Variants in USH1C observed in about 807,000 individuals in gnomAD.
USH1C encodes the protein harmonin.
A neutral mutation model predicts 119.3 loss-of-function variants in USH1C; 90 were observed. That is an observed-to-expected ratio of 0.75 (90% CI 0.64 to 0.90). The LOEUF is 0.90. Ranked by LOEUF, USH1C falls within the 40% of genes least tolerant of loss-of-function variation. USH1C has a pLI of 0.00. For synonymous variants in USH1C, 465 were observed against 443.3 expected, an observed-to-expected ratio of 1.05 and a Z score of -0.62; for missense variants, 1,165 against 1,167.7, an observed-to-expected ratio of 1.00 and a Z score of 0.03.
chr11:17,515,511 T>A (rs1345188277), intron 15 of USH1C, among the ~76,000 whole-genome samples: 1 of 152,172 alleles, frequency 6.6e-6, no homozygotes, highest in African/African-American at 2.4e-5. Context: ...GCTGGTCAAG[T>A]GATAACATCC....
chr11:17,500,516 A>T (rs1158764386), intron 23 of USH1C, among the ~76,000 whole-genome samples: 1 of 152,206 alleles, frequency 6.6e-6, no homozygotes, highest in Non-Finnish European at 1.5e-5. Flanking sequence ...GCACATGGCT[A>T]GTTCTGGCCA....
intron 13 of USH1C, 104 bp downstream of exon 13, chr11:17,521,242 G>T: frequency 7.9e-7 from 1 of 1,260,994 alleles, no homozygotes; most frequent in Non-Finnish European, 1.2e-6. Flanking sequence ...ACCAGGGGAT[G>T]AGAGAACCAG....
chr11:17,498,096 G>GCCT, intron 24 of USH1C, 66 bp downstream of exon 24: 1 of 1,465,176 alleles, frequency 6.8e-7, no homozygotes, highest in South Asian at 1.1e-5. Context: ...GTGAGACCTG[G>GCCT]CTGCAGAGGC....
At position 17,501,159 on chromosome 11, in the gene USH1C, A is replaced by C; in HGVS notation, c.2281-9T>G. ...AGGTCTAAGGATCCCTCCTGGTTAG[A>C]GGAAAACAGGCCTTAGGGAGCCAAG... On this transcript the variant is annotated splice_polypyrimidine_tract_variant and intron_variant, in intron 22 of 26. Transcript: ENST00000005226. The C allele has an allele frequency of 6.2e-7, 1 of 1,609,888 alleles. No individual in the cohort carries two copies.
At chr11:17,502,327 T>C (rs976191123) in intron 20 of USH1C, among the ~76,000 whole-genome samples, 3 of 152,192 alleles carry the variant, frequency 2.0e-5, no homozygotes, top group Non-Finnish European at 4.4e-5. Flanking sequence ...TCAAGTCCTT[T>C]AGGCCCCACC....
intron 26 of USH1C, 142 bp downstream of exon 26, chr11:17,495,427 A>G: frequency 2.3e-6 from 2 of 867,762 alleles, no homozygotes; most frequent in Non-Finnish European, 3.9e-6. Context: ...GGCCAACAGC[A>G]GGCCCCAGGC....
At chr11:17,495,521 G>T in intron 26 of USH1C, 48 bp downstream of exon 26, 1 of 1,586,014 alleles carries the variant, frequency 6.3e-7, no homozygotes, top group Non-Finnish European at 8.7e-7. Context: ...GATGGCCACT[G>T]CAAGCAGCAG....
chr11:17,528,409 G>A (rs72870323), intron 4 of USH1C, among the ~76,000 whole-genome samples: 15,328 of 152,306 alleles, frequency 0.1, 954 homozygotes, highest in South Asian at 0.26. Flanking sequence ...GGAACTCTCA[G>A]ATAACAGCTG....
At chr11:17,501,664 G>A in intron 21 of USH1C, 129 bp from the exon 22 acceptor site, 3 of 1,136,708 alleles carry the variant, frequency 2.6e-6, no homozygotes, top group Non-Finnish European at 3.9e-6. Context: ...AGGGGACCGT[G>A]CCCAGCCCCA....
At chr11:17,536,265 G>T (rs552116180) in intron 1 of USH1C, among the ~76,000 whole-genome samples, 1 of 152,322 alleles carries the variant, frequency 6.6e-6, no homozygotes, top group South Asian at 2.1e-4. Flanking sequence ...ATGGGACAGA[G>T]AATCTCTTAT....
chr11:17,511,635 G>C (rs1849896332), intron 16 of USH1C, among the ~76,000 whole-genome samples: 1 of 152,120 alleles, frequency 6.6e-6, no homozygotes, highest in Admixed American at 6.5e-5. Context: ...CCCGACCAAG[G>C]AGGCTAGTTT....
rs1461497965 is a variant in USH1C at position 17,522,910 on chromosome 11, A to G, written c.893T>C (p.Met298Thr). Reference sequence around the variant, plus strand: ...CTCTGCCAGCCGCTCCCGGTCTGTCATGAACAGCTCCCGGCCCTCATGGGA... The same window carrying G: ...CTCTGCCAGCCGCTCCCGGTCTGTCGTGAACAGCTCCCGGCCCTCATGGGA... ...IVAAAGRELF[M>T]TDRERLAEAR... is the part of the protein sequence containing the mutation. Residue 298 changes from methionine to threonine, a missense_variant, in exon 12 of 27, where the codon ATG (methionine) becomes ACG (threonine). By Grantham distance (81) the Met-to-Thr change is moderately conservative. Transcript: ENST00000005226. 2 of 1,612,272 alleles carry G rather than the reference A, an allele frequency of 1.2e-6. No homozygotes were observed. The highest frequency in any genetic ancestry group is 1.7e-6 in the Non-Finnish European group (2 of 1,179,358).
At chr11:17,501,023 A>G (rs773032146) in intron 23 of USH1C, 28 bp downstream of exon 23, 1 of 1,599,772 alleles carries the variant, frequency 6.3e-7, no homozygotes, top group South Asian at 1.1e-5. Flanking sequence ...ATCATCCCCA[A>G]ACCTGGGTGT....
Position 17,495,608 on chromosome 11 carries a change from G to T in USH1C, c.2616C>A (p.Ala872=). The change falls in exon 26 of 27, where the codon GCC becomes GCA. Residue 872 remains alanine (A), a synonymous_variant. Coordinates refer to ENST00000005226, the MANE Select transcript of USH1C (RefSeq NM_153676.4). The part of the protein sequence containing the change: ...PVRKLLEDRA[A]VHRHGFLLQL... Reference sequence around the variant, plus strand: ...GCAGGAGGAACCCGTGTCTGTGCACGGCAGCACGGTCTTCAAGGAGCTTTC... The same window carrying T: ...GCAGGAGGAACCCGTGTCTGTGCACTGCAGCACGGTCTTCAAGGAGCTTTC... 6 of 1,614,204 alleles carry T rather than the reference G, an allele frequency of 3.7e-6. No individual in the cohort carries two copies. The highest frequency in any genetic ancestry group is 5.1e-6 in the Non-Finnish European group (6 of 1,180,038).
At chr11:17,532,564 T>C (rs568811365) in intron 2 of USH1C, among the ~76,000 whole-genome samples, 4 of 152,278 alleles carry the variant, frequency 2.6e-5, no homozygotes, top group Admixed American at 6.5e-5. Context: ...CTTCTCAAAG[T>C]TCTGGGATTA....
intron 13 of USH1C, 145 bp from the exon 14 acceptor site, chr11:17,521,139 T>C: frequency 8.1e-7 from 1 of 1,239,632 alleles, no homozygotes; most frequent in Non-Finnish European, 1.2e-6. Context: ...GCTTGTATTC[T>C]AAATTGAGTG....
In USH1C at chr11:17,509,817, G is replaced by T. The variant is rs1486188050; in HGVS notation, c.1552C>A (p.Pro518Thr). The T allele has an allele frequency of 2.5e-6, 4 of 1,596,954 alleles. No individual in the cohort carries two copies. Among genetic ancestry groups the T allele is most frequent in the Admixed American group, 1.7e-5 (1 of 59,898 alleles). ...GCCAGGGGAGACACAGAAGGCGGGGGAGGCGGGGGCCCTGTGGTCATCTGG... is the reference window on the plus strand; with the variant it reads ...GCCAGGGGAGACACAGAAGGCGGGGTAGGCGGGGGCCCTGTGGTCATCTGG... ...ISEMTTGPPP[P>T]PPSVSPLAPP... Residue 518 changes from proline to threonine, a missense_variant, in exon 18 of 27, where the codon CCC (proline) becomes ACC (threonine). By Grantham distance (38) the Pro-to-Thr change is conservative. Coordinates refer to ENST00000005226, the MANE Select transcript of USH1C (RefSeq NM_153676.4).
At chr11:17,526,235 C>T (rs1217861175) in intron 8 of USH1C, 112 bp downstream of exon 8, 2 of 882,224 alleles carry the variant, frequency 2.3e-6, no homozygotes, top group Non-Finnish European at 3.7e-6. Flanking sequence ...TGGACAGTCA[C>T]ACCCCTGGTG....
At chr11:17,526,605 C>G in intron 7 of USH1C, 148 bp downstream of exon 7, 1 of 1,128,932 alleles carries the variant, frequency 8.9e-7, no homozygotes, top group Non-Finnish European at 1.3e-6. Context: ...CCGAGGGCTG[C>G]TGCCCCACAG....
Sources: allele counts gnomAD v4.1 joint callset (sites outside exome capture counted in the v4.1 genomes callset), GRCh38; gene constraint gnomAD v4.1.1; transcripts MANE v1.5; gene names NCBI Gene and HGNC (gene_info 2026-07-23, HGNC 2026-07-21).